The following BEND5 variants were observed in gnomAD, a reference collection of about 807,000 sequenced individuals.
BEND5 encodes the protein BEN domain-containing protein 5.
In BEND5, 22 loss-of-function variants were observed where a neutral mutation model predicts 43.9. The ratio of observed to expected loss-of-function variants is 0.50; its 90% CI spans 0.36 to 0.72. The LOEUF (loss-of-function observed/expected upper bound fraction) is 0.72. BEND5 is among the 30% of genes least tolerant of loss of function. The pLI is 0.00. For synonymous variants in BEND5, 228 were observed against 225.9 expected (o/e 1.01, Z -0.08); for missense variants, 428 against 550.6 (o/e 0.78, Z 2.23).
intron 3 of BEND5, among the ~76,000 whole-genome samples, chr1:48,750,515 C>G (rs1255567292): frequency 6.6e-6 from 1 of 152,158 alleles, no homozygotes; most frequent in African/African-American, 2.4e-5. Context: ...GTATCCTTTC[C>G]CAACATCCTG....
At chr1:48,753,293 G>A (rs1392256270) in intron 3 of BEND5, among the ~76,000 whole-genome samples, 2 of 152,220 alleles carry the variant, frequency 1.3e-5, no homozygotes, top group African/African-American at 4.8e-5. Context: ...ACAGACACCT[G>A]AGAAGGGTTA....
At chr1:48,749,412 A>T (rs1430145069) in intron 3 of BEND5, among the ~76,000 whole-genome samples, 1 of 152,168 alleles carries the variant, frequency 6.6e-6, no homozygotes, top group African/African-American at 2.4e-5. Flanking sequence ...GTTAATCCTT[A>T]TGGTGGTCCT....
intron 1 of BEND5, among the ~76,000 whole-genome samples, chr1:48,775,530 A>T (rs1221043310): frequency 6.6e-6 from 1 of 152,184 alleles, no homozygotes; most frequent in Non-Finnish European, 1.5e-5. Context: ...CTATTTGCCC[A>T]CTTTAAGGTT....
chr1:48,768,303 G>C (rs1027652899), intron 1 of BEND5, among the ~76,000 whole-genome samples: 1 of 152,096 alleles, frequency 6.6e-6, no homozygotes, highest in African/African-American at 2.4e-5. Context: ...ATGACCTGTT[G>C]CCAAACTCCT....
In BEND5 at chr1:48,753,204, A is replaced by C. The variant is rs887381829; in HGVS notation, c.745+5696T>G. Among the ~76,000 whole-genome samples the C allele has an allele frequency of 1.4e-4, 21 of 152,382 alleles. No homozygotes were observed. The East Asian group carries it at 2.3e-3, about 17-fold the overall frequency. Reference sequence around the variant, plus strand: ...TGAAAACCTCAGTATTTCTGACCTCAGAGCCCATTAGGGCTCTTAATCACT... The same window carrying C: ...TGAAAACCTCAGTATTTCTGACCTCCGAGCCCATTAGGGCTCTTAATCACT... On this transcript the variant is annotated intron_variant, in intron 3 of 5. Transcript: ENST00000371833.
At chr1:48,765,104 T>A (rs1644466222) in intron 1 of BEND5, among the ~76,000 whole-genome samples, 1 of 151,386 alleles carries the variant, frequency 6.6e-6, no homozygotes, top group Non-Finnish European at 1.5e-5. Flanking sequence ...CAAAGATGCA[T>A]TACACATCTA....
At chr1:48,760,620 G>A (rs187471268) in intron 2 of BEND5, among the ~76,000 whole-genome samples, 3 of 152,290 alleles carry the variant, frequency 2.0e-5, no homozygotes, top group East Asian at 1.9e-4. Context: ...AGGGCCAGGC[G>A]CATAGCAGGA....
At chr1:48,773,924 T>G (rs1029792159) in intron 1 of BEND5, among the ~76,000 whole-genome samples, 1 of 152,222 alleles carries the variant, frequency 6.6e-6, no homozygotes, top group African/African-American at 2.4e-5. Flanking sequence ...TTCCTTGAAC[T>G]GGGATTGTAA....
At position 48,742,725 on chromosome 1, in the gene BEND5, G is replaced by A. The variant is rs377372975; in HGVS notation, c.792C>T (p.Pro264=). Residue 264 remains proline, a synonymous_variant, in exon 4 of 6, where the codon CCC becomes CCT. Coordinates refer to ENST00000371833, the MANE Select transcript of BEND5 (RefSeq NM_024603.4). ...LEKVKSECLE[P]EPELRSTFSE... ...TGAAAGTGCTCCGTAACTCCGGCTC[G>A]GGCTCGAGACATTCTGACTTTACTT... 2.6e-5 allele frequency: 42 copies of A among 1,609,002 alleles called. No homozygotes were observed. Among genetic ancestry groups the A allele is most frequent in the Admixed American group, 1.3e-4 (8 of 59,314 alleles).
chr1:48,743,253 A>G (rs546546253), intron 3 of BEND5, among the ~76,000 whole-genome samples: 32 of 152,328 alleles, frequency 2.1e-4, no homozygotes, highest in African/African-American at 7.5e-4. Context: ...CCTAGTATCT[A>G]GACTGGAGCA....
intron 1 of BEND5, among the ~76,000 whole-genome samples, chr1:48,771,167 G>A (rs1398763554): frequency 6.6e-6 from 1 of 152,112 alleles, no homozygotes; most frequent in African/African-American, 2.4e-5. Context: ...CAATACTTGT[G>A]GAACTTAAAT....
chr1:48,757,641 G>C (rs1389143407), intron 3 of BEND5, among the ~76,000 whole-genome samples: 2 of 152,146 alleles, frequency 1.3e-5, no homozygotes, highest in Non-Finnish European at 2.9e-5. Flanking sequence ...ACCACCCAAA[G>C]ATCTACTGAG....
chr1:48,747,742 T>C (rs896282215), intron 3 of BEND5, among the ~76,000 whole-genome samples: 1 of 152,190 alleles, frequency 6.6e-6, no homozygotes, highest in Non-Finnish European at 1.5e-5. Context: ...CCATTTTCTA[T>C]TCTTGTTGTA....
intron 1 of BEND5, among the ~76,000 whole-genome samples, chr1:48,774,256 A>G (rs1644971059): frequency 6.6e-6 from 1 of 152,204 alleles, no homozygotes; most frequent in Non-Finnish European, 1.5e-5. Flanking sequence ...TGGTATTTAC[A>G]TATAGGAGAT....
At chr1:48,734,221 T>C (rs990940505) in intron 5 of BEND5, among the ~76,000 whole-genome samples, 5 of 152,208 alleles carry the variant, frequency 3.3e-5, no homozygotes, top group African/African-American at 1.2e-4. Flanking sequence ...GAGGCAGCTA[T>C]GTTACAGCAG....
chr1:48,776,593 C>A lies in BEND5; in HGVS notation c.226+13G>T. On this transcript the variant is annotated intron_variant, in intron 1 of 5. Coordinates refer to ENST00000371833, the MANE Select transcript of BEND5 (RefSeq NM_024603.4). Reference sequence around the variant, plus strand: ...GCCCGGGTCCCACCGTCCCTCCCCGCCCGCTTGCTCACCTGCCAGCGCCAG... The same window carrying A: ...GCCCGGGTCCCACCGTCCCTCCCCGACCGCTTGCTCACCTGCCAGCGCCAG... 7.0e-7 allele frequency: 1 copy of A among 1,420,928 alleles called. No individual in the cohort carries two copies. The highest frequency in any genetic ancestry group is 2.5e-4 in the Middle Eastern group (1 of 3,922). The allele number at this position is 1,420,928 out of a possible 1,614,324, so 88.0% of individuals were successfully genotyped here. A position where few individuals can be genotyped will look rare whatever the true frequency, so the allele number is the denominator to read the frequency against.
At chr1:48,744,397 T>C (rs1650408649) in intron 3 of BEND5, among the ~76,000 whole-genome samples, 1 of 152,252 alleles carries the variant, frequency 6.6e-6, no homozygotes, top group Non-Finnish European at 1.5e-5. Context: ...GTGGAGCATT[T>C]GATCTTTTCT....
intron 1 of BEND5, among the ~76,000 whole-genome samples, chr1:48,767,470 G>A (rs971973427): frequency 6.6e-6 from 1 of 152,192 alleles, no homozygotes; most frequent in Non-Finnish European, 1.5e-5. Context: ...ATGTGACAGT[G>A]GCAAGCAAGA....
At chr1:48,770,496 G>A (rs897785258) in intron 1 of BEND5, among the ~76,000 whole-genome samples, 60 of 151,990 alleles carry the variant, frequency 3.9e-4, no homozygotes, top group African/African-American at 1.3e-3. Flanking sequence ...TTTAAAAGCC[G>A]ATGTTCTGCC....
Sources: gnomAD v4.1 joint callset for allele counts (sites outside exome capture counted in the v4.1 genomes callset) on GRCh38, gnomAD v4.1.1 for gene constraint, MANE v1.5 for transcripts, NCBI Gene and HGNC (gene_info 2026-07-23, HGNC 2026-07-21) for gene names.